Variants in SYNE1 observed in about 807,000 individuals in gnomAD.
The protein encoded by SYNE1 is spectrin repeat containing nuclear envelope protein 1.
In SYNE1, 616 loss-of-function variants were observed where a neutral mutation model predicts 1,111.0. The observed-to-expected ratio is 0.55, with a 90% confidence interval of 0.52 to 0.59. SYNE1 has a LOEUF of 0.59. Among genes scored for constraint, SYNE1 ranks in the 20% least tolerant of loss-of-function variants. The pLI is 0.00. For missense variants in SYNE1, 10,006 were observed against 10,417.0 expected, an observed-to-expected ratio of 0.96 and a Z score of 1.72; for synonymous variants, 3,855 against 3,825.8, an observed-to-expected ratio of 1.01 and a Z score of -0.28.
chr6:152,266,326 C>T (rs2092693232), intron 100 of SYNE1, among the ~76,000 whole-genome samples: 1 of 151,958 alleles, frequency 6.6e-6, no homozygotes. Flanking sequence ...ATGATACATA[C>T]AGAGAGGAAG....
chr6:152,376,648 T>C lies in SYNE1; in HGVS notation c.9147-90A>G, dbSNP rs2097287112. 3.8e-6 allele frequency: 6 copies of C among 1,564,638 alleles called. No individual in the cohort carries two copies. In the Admixed American group the frequency reaches 1.0e-4, roughly 27 times the overall value. The stretch of plus-strand genomic sequence containing the variant: ...GATAGAATCACCAGTTCTTAGAATG[T>C]GCACTTACCTCACTTAGTAATATAT... On this transcript the variant is annotated intron_variant, in intron 57 of 145. Transcript: ENST00000367255.
intron 3 of SYNE1, among the ~76,000 whole-genome samples, chr6:152,586,130 A>G (rs1255141669): frequency 1.3e-5 from 2 of 152,206 alleles, no homozygotes; most frequent in African/African-American, 4.8e-5. Context: ...ATATTCCAAT[A>G]TCTAATAGAA....
chr6:152,297,289 C>T (rs2094925051), intron 93 of SYNE1, among the ~76,000 whole-genome samples: 1 of 152,130 alleles, frequency 6.6e-6, no homozygotes, highest in Middle Eastern at 3.2e-3. Flanking sequence ...CTCACACGAC[C>T]CAACTGCACT....
At chr6:152,127,783 A>G (rs2152622000) in intron 145 of SYNE1, 1 of 152,324 alleles carries the variant, frequency 6.6e-6, no homozygotes, top group South Asian at 2.1e-4. Flanking sequence ...AACAAATTCT[A>G]CAAGAAACTG....
At position 152,465,545 on chromosome 6, in the gene SYNE1, T is replaced by G. The variant is rs1364610133; in HGVS notation, c.1730-85A>C. The G allele has an allele frequency of 1.3e-5, 16 of 1,218,422 alleles. No individual in the cohort carries two copies. In the East Asian group the frequency reaches 4.0e-4, roughly 31 times the overall value. The allele number at this position is 1,218,422 out of a possible 1,614,324, so 75.5% of individuals were successfully genotyped here. ...TTTTCTATGGTCTTATACATTGGTG[T>G]GCAATAGTATCCATCACAAATGCCA... On this transcript the variant is annotated intron_variant, in intron 17 of 145. Coordinates refer to ENST00000367255, the MANE Select transcript of SYNE1 (RefSeq NM_182961.4).
At chr6:152,339,606 G>A (rs2096487423) in intron 74 of SYNE1, among the ~76,000 whole-genome samples, 1 of 152,202 alleles carries the variant, frequency 6.6e-6, no homozygotes, top group African/African-American at 2.4e-5. Context: ...TATGGTCTGG[G>A]AAAGGGGAAA....
intron 3 of SYNE1, among the ~76,000 whole-genome samples, chr6:152,603,089 GGTGAAATA>G (rs1347238114): frequency 6.6e-6 from 1 of 152,128 alleles, no homozygotes; most frequent in East Asian, 1.9e-4. Context: ...CTAGCCTGCA[GGTGAAATA>G]ATCATTGCCA....
At chr6:152,295,334 C>T (rs1266313120) in intron 93 of SYNE1, among the ~76,000 whole-genome samples, 3 of 152,130 alleles carry the variant, frequency 2.0e-5, no homozygotes, top group African/African-American at 4.8e-5. Flanking sequence ...AGACTGCTTC[C>T]TCTTTATTCC....
rs200303326 is a variant in SYNE1, at chr6:152,456,067, A to G, written c.2569-23T>C. ...TTCCTATAACGAAATGAAACCCCAC[A>G]ACAATGTTATTTACAAGACAGAGTG... On this transcript the variant is annotated intron_variant, in intron 22 of 145. Coordinates refer to ENST00000367255, the MANE Select transcript of SYNE1 (RefSeq NM_182961.4). 2.7e-3 allele frequency: 4,314 copies of G among 1,608,766 alleles called. 6 individuals carry two copies. Among genetic ancestry groups the G allele is most frequent in the Non-Finnish European group, 3.2e-3 (3,726 of 1,178,834 alleles).
Position 152,352,298 on chromosome 6 carries a change from T to C in SYNE1, c.11309A>G (p.Lys3770Arg), listed in dbSNP as rs780693119. 6.6e-5 allele frequency: 107 copies of C among 1,614,154 alleles called. No individual in the cohort carries two copies. The highest frequency in any genetic ancestry group is 8.9e-5 in the Non-Finnish European group (105 of 1,180,018). Residue 3770 changes from lysine to arginine, a missense_variant, in exon 70 of 146, where the codon AAA (lysine) becomes AGA (arginine). By Grantham distance (26) the Lys-to-Arg change is conservative. Around this residue, in one of 7 missense-constraint regions of SYNE1, gnomAD observed 4,955 missense variants for 5,017.2 expected, o/e 0.99. Coordinates refer to ENST00000367255, the MANE Select transcript of SYNE1 (RefSeq NM_182961.4). ...CAAGTATTTAACAGCCCTCTCTCCT[T>C]TCTCCCGGGCTGATTTCAGCAAACT... ...GHSLLKSARE[K>R]GERAVKYLEE...
intron 105 of SYNE1, among the ~76,000 whole-genome samples, chr6:152,245,728 C>G (rs935326469): frequency 1.3e-5 from 2 of 152,184 alleles, no homozygotes; most frequent in Non-Finnish European, 2.9e-5. Context: ...ACAGAAATCT[C>G]TGGAACTCTG....
At chr6:152,310,556 A>G (rs748080685) in intron 88 of SYNE1, 38 bp from the exon 89 acceptor site, 1 of 1,613,570 alleles carries the variant, frequency 6.2e-7, no homozygotes, top group East Asian at 2.2e-5. Context: ...CTTGAAGTTC[A>G]AAGCCATAGG....
intron 137 of SYNE1, 96 bp downstream of exon 137, chr6:152,147,949 A>T: frequency 9.1e-7 from 1 of 1,104,032 alleles, no homozygotes; most frequent in Non-Finnish European, 1.4e-6. Context: ...TGAAAGAAGG[A>T]AGCAAATGAT....
chr6:152,195,188 T>C (rs1018137512), intron 127 of SYNE1, among the ~76,000 whole-genome samples: 1 of 152,212 alleles, frequency 6.6e-6, no homozygotes, highest in Non-Finnish European at 1.5e-5. Context: ...CCCAGAATTC[T>C]GGGATTACAG....
chr6:152,582,679 A>G (rs2099524529), intron 3 of SYNE1, among the ~76,000 whole-genome samples: 1 of 151,998 alleles, frequency 6.6e-6, no homozygotes, highest in Non-Finnish European at 1.5e-5. Flanking sequence ...TAGTGTACCC[A>G]TTACCCAAAC....
Position 152,300,629 on chromosome 6 carries a change from A to T in SYNE1, c.17682+12T>A, listed in dbSNP as rs371412085. 10 of 1,614,194 alleles carry T rather than the reference A, an allele frequency of 6.2e-6. 1 individual carries two copies. The South Asian group carries it at 1.1e-4, about 18-fold the overall frequency. ...AGAGATTATTGCTAGAGGAATGCCA[A>T]CTGGGAGGTACCTGGTTAACAGAAG... On this transcript the variant is annotated intron_variant, in intron 93 of 145. Coordinates refer to ENST00000367255, the MANE Select transcript of SYNE1 (RefSeq NM_182961.4).
Position 152,219,136 on chromosome 6 carries a change from T to C in SYNE1, c.21911A>G (p.His7304Arg), listed in dbSNP as rs557878312. The change falls in exon 120 of 146, where the codon CAT becomes CGT. Residue 7304 changes from histidine (H) to arginine (R), a missense_variant. Around this residue, in one of 7 missense-constraint regions of SYNE1, gnomAD observed 2,182 missense variants for 2,287.8 expected, o/e 0.95. Coordinates refer to ENST00000367255, the MANE Select transcript of SYNE1 (RefSeq NM_182961.4). The part of the protein sequence containing the change: ...GTVKDSLFFL[H>R]ELGEQLKQQV... ...TTGCTTCAGTTGCTCTCCCAGCTCA[T>C]GGAGAAAAAAGAGGGAATCTTTAAC... is the stretch of plus-strand genomic sequence containing the variant. The C allele has an allele frequency of 6.2e-7, 1 of 1,614,090 alleles. No homozygotes were observed. The highest frequency in any genetic ancestry group is 1.7e-5 in the Admixed American group (1 of 60,016).
At chr6:152,143,959 C>A in intron 137 of SYNE1, 194 bp from the exon 138 acceptor site, 1 of 733,290 alleles carries the variant, frequency 1.4e-6, no homozygotes, top group South Asian at 1.7e-5. Flanking sequence ...AATGAAGGTG[C>A]TTGACTGAGA....
Position 152,325,967 on chromosome 6 carries a change from T to C in SYNE1, c.15429A>G (p.Ser5143=), listed in dbSNP as rs771428203. ...GGCCCAAAACTCTGACCTTGTGTTC[T>C]GACAATTTTTCTTCCGCTTCATGAC... is the stretch of plus-strand genomic sequence containing the variant. ...SSSHEAEEKL[S]EHKALVSVVN... Residue 5143 remains serine, a synonymous_variant, in exon 80 of 146, where the codon TCA becomes TCG. Transcript: ENST00000367255. 1 of 1,614,232 alleles carries C rather than the reference T, an allele frequency of 6.2e-7. No homozygotes were observed. The highest frequency in any genetic ancestry group is 8.5e-7 in the Non-Finnish European group (1 of 1,180,038).
Sources: gnomAD v4.1 joint callset for allele counts (sites outside exome capture counted in the v4.1 genomes callset) on GRCh38, gnomAD v4.1.1 for gene constraint, gnomAD v4.1.1 regional missense constraint, MANE v1.5 for transcripts, NCBI Gene and HGNC (gene_info 2026-07-23, HGNC 2026-07-21) for gene names.